The following OTOGL variants were observed in gnomAD, a reference collection of about 807,000 sequenced individuals.
OTOGL encodes otogelin like, also known as otogelin-like protein.
A neutral mutation model predicts 318.5 loss-of-function variants in OTOGL; 285 were observed. That is an observed-to-expected ratio of 0.89 (90% confidence interval 0.81 to 0.99). OTOGL has a LOEUF of 0.99. Among genes scored for constraint, OTOGL ranks in the 50% least tolerant of loss-of-function variants. OTOGL has a pLI of 0.00. For missense variants in OTOGL, 2,899 were observed against 2,845.6 expected (o/e 1.02, Z -0.43); for synonymous variants, 987 against 936.5 (o/e 1.05, Z -0.99).
chr12:80,270,026 A>T lies in OTOGL; in HGVS notation c.2466-76A>T. ...TACTCAATCAATTCTTGTACGTTAG[A>T]TTGTTGTCGAAATTCAGGGAAAAAA... On this transcript the variant is annotated intron_variant, in intron 22 of 58. Transcript: ENST00000547103. 5 of 1,146,056 alleles carry T rather than the reference A, an allele frequency of 4.4e-6. No homozygotes were observed. In the South Asian group the frequency reaches 5.8e-5, roughly 13 times the overall value. The allele number at this position is 1,146,056 out of a possible 1,614,324, so 71.0% of individuals were successfully genotyped here.
intron 1 of OTOGL, among the ~76,000 whole-genome samples, chr12:80,198,874 T>C (rs946224476): frequency 1.3e-5 from 2 of 152,200 alleles, no homozygotes; most frequent in Admixed American, 6.5e-5. Flanking sequence ...CTAGACCAAA[T>C]AGCTATCATC....
chr12:80,198,606 A>G lies in OTOGL; in HGVS notation c.-19-10807A>G, dbSNP rs961887191. 2.6e-5 allele frequency among the ~76,000 whole-genome samples: 4 copies of G among 152,202 alleles called. No homozygotes were observed. The East Asian group carries it at 7.7e-4, about 29-fold the overall frequency. On this transcript the variant is annotated intron_variant, in intron 1 of 58. Coordinates refer to ENST00000547103, the MANE Select transcript of OTOGL (RefSeq NM_001378609.3). ...TCCAAATAATAATAATAATAATAAT[A>G]ACAACCTGTATCCTTCTAAATAAAT...
rs2138143018 is a variant in OTOGL, at chr12:80,380,645, A to C, written c.*2597A>C. The C allele has an allele frequency of 6.6e-6, 1 of 152,168 alleles. No individual in the cohort carries two copies. The highest frequency in any genetic ancestry group is 1.5e-5 in the Non-Finnish European group (1 of 67,938). The allele number at this position is 152,168 out of a possible 1,614,324, so 9.4% of individuals were successfully genotyped here. On this transcript the variant is annotated 3_prime_UTR_variant, in exon 59 of 59. Transcript: ENST00000547103. ...TACTTTTATTTTTTAAGGCTCTGGG[A>C]AGATAAGCACTCTCACATGTCATTG...
At position 80,296,965 on chromosome 12, in the gene OTOGL, A is replaced by G; in HGVS notation, c.3063+4A>G. On this transcript the variant is annotated splice_donor_region_variant and intron_variant, in intron 27 of 58. Coordinates refer to ENST00000547103, the MANE Select transcript of OTOGL (RefSeq NM_001378609.3). ...GAATGATACTCCTTACAAACAGGTTAGTGAATTATTTCTTTCAGGATCATT... is the reference window on the plus strand; with the variant it reads ...GAATGATACTCCTTACAAACAGGTTGGTGAATTATTTCTTTCAGGATCATT... 6.5e-7 allele frequency: 1 copy of G among 1,537,574 alleles called. No individual in the cohort carries two copies. The highest frequency in any genetic ancestry group is 8.8e-7 in the Non-Finnish European group (1 of 1,141,166).
chr12:80,215,574 GA>G (rs1877640198), intron 4 of OTOGL, among the ~76,000 whole-genome samples: 1 of 152,170 alleles, frequency 6.6e-6, no homozygotes. Flanking sequence ...TTATTTTATA[GA>G]TTGGGAAACT....
At chr12:80,231,927 G>A (rs916600321) in intron 8 of OTOGL, among the ~76,000 whole-genome samples, 3 of 151,656 alleles carry the variant, frequency 2.0e-5, no homozygotes, top group Admixed American at 6.6e-5. Context: ...GTGAGCCACC[G>A]AGCCCAGCTG....
At chr12:80,324,241 TG>T (rs1887538236) in intron 35 of OTOGL, among the ~76,000 whole-genome samples, 1 of 152,196 alleles carries the variant, frequency 6.6e-6, no homozygotes, top group Non-Finnish European at 1.5e-5. Context: ...TTAATGTTGG[TG>T]GTCAGTGAAG....
rs200364230 is a variant in OTOGL, at chr12:80,262,036, T to G, written c.1957T>G (p.Cys653Gly). ...AAATGCGTGGAGAGTTTCTTCTACC[T>G]GTTTTGCACCTGTTCATGTCCCAGT... ...HANAWRVSSTCFAPVHVPVVD... is the reference protein window; with the variant it reads ...HANAWRVSSTGFAPVHVPVVD... Residue 653 changes from cysteine to glycine, a missense_variant, in exon 19 of 59, where the codon TGT becomes GGT. Around this residue, in one of 3 missense-constraint regions of OTOGL, gnomAD observed 2,607 missense variants for 2,524.9 expected, o/e 1.03. Coordinates refer to ENST00000547103, the MANE Select transcript of OTOGL (RefSeq NM_001378609.3). 421 of 1,613,182 alleles carry G rather than the reference T, an allele frequency of 2.6e-4. No homozygotes were observed. The African/African-American group carries it at 5.0e-3, about 19-fold the overall frequency.
intron 13 of OTOGL, 43 bp downstream of exon 13, chr12:80,252,244 T>A: frequency 2.6e-6 from 4 of 1,558,422 alleles, no homozygotes; most frequent in Non-Finnish European, 3.5e-6. Flanking sequence ...TCATGGAAAC[T>A]AGTACCCAGT....
chr12:80,110,527 T>A (rs1869773819), intron 1 of OTOGL, among the ~76,000 whole-genome samples: 1 of 152,206 alleles, frequency 6.6e-6, no homozygotes, highest in Non-Finnish European at 1.5e-5. Flanking sequence ...CCTGTGTTAG[T>A]TTGCTGAGAA....
At chr12:80,231,355 T>C (rs1253626159) in intron 8 of OTOGL, among the ~76,000 whole-genome samples, 4 of 152,184 alleles carry the variant, frequency 2.6e-5, no homozygotes, top group Non-Finnish European at 4.4e-5. Flanking sequence ...TAGCTATTTT[T>C]CTAGTTTTGT....
intron 1 of OTOGL, among the ~76,000 whole-genome samples, chr12:80,162,983 T>C (rs1873616275): frequency 6.6e-6 from 1 of 152,028 alleles, no homozygotes; most frequent in African/African-American, 2.4e-5. Context: ...AATGGAAAGA[T>C]GATGATTTGT....
chr12:80,154,500 G>A lies in OTOGL; in HGVS notation c.-20+54895G>A, dbSNP rs141816624. On this transcript the variant is annotated intron_variant, in intron 1 of 58. Coordinates refer to ENST00000547103, the MANE Select transcript of OTOGL (RefSeq NM_001378609.3). Reference sequence around the variant, plus strand: ...TTTTCTTTGCTTTACTTCCATGTTCGTCCTATAAAACCTCCCCTTTGCACT... The same window carrying A: ...TTTTCTTTGCTTTACTTCCATGTTCATCCTATAAAACCTCCCCTTTGCACT... Among the ~76,000 whole-genome samples the A allele has an allele frequency of 3.3e-5, 5 of 152,000 alleles. No homozygotes were observed. The East Asian group carries it at 7.7e-4, about 24-fold the overall frequency.
chr12:80,231,087 GC>G (rs1592579236), intron 8 of OTOGL, among the ~76,000 whole-genome samples: 2 of 152,090 alleles, frequency 1.3e-5, no homozygotes. Context: ...AAATGACCAA[GC>G]AAAAAATACG....
At chr12:80,291,326 A>G (rs569182215) in intron 26 of OTOGL, among the ~76,000 whole-genome samples, 1 of 152,346 alleles carries the variant, frequency 6.6e-6, no homozygotes, top group African/African-American at 2.4e-5. Context: ...TTTTAATCGT[A>G]GTATATTTGG....
intron 1 of OTOGL, among the ~76,000 whole-genome samples, chr12:80,167,718 A>C (rs992698370): frequency 6.6e-6 from 1 of 152,130 alleles, no homozygotes; most frequent in East Asian, 1.9e-4. Context: ...GCATAACTTC[A>C]CACATCTAAT....
At position 80,311,579 on chromosome 12, in the gene OTOGL, C is replaced by A. The variant is rs375417357; in HGVS notation, c.3450+852C>A. On this transcript the variant is annotated intron_variant, in intron 30 of 58. Coordinates refer to ENST00000547103, the MANE Select transcript of OTOGL (RefSeq NM_001378609.3). ...CTGGGATTGTAGACGGCAAATTTTT[C>A]TATTTTTAGTAGAGACCGGGTCTCG... is the stretch of plus-strand genomic sequence containing the variant. Among the ~76,000 whole-genome samples the A allele has an allele frequency of 1.0e-4, 14 of 139,942 alleles. No individual in the cohort carries two copies. The South Asian group carries it at 2.9e-3, about 29-fold the overall frequency. 91.8% of individuals were successfully genotyped at this position (139,942 alleles called of 152,430 possible).
At chr12:80,263,153 A>G (rs749427035) in intron 19 of OTOGL, among the ~76,000 whole-genome samples, 8 of 152,116 alleles carry the variant, frequency 5.3e-5, no homozygotes, top group Admixed American at 2.6e-4. Flanking sequence ...TTTCTTATCT[A>G]TAATAACACG....
rs1460941395 is a variant in OTOGL, at chr12:80,179,440, CT to C, written c.-19-29969del. On this transcript the variant is annotated intron_variant, in intron 1 of 58. Transcript: ENST00000547103. The stretch of plus-strand genomic sequence containing the variant: ...ATGGAGGTGAAAACTTCTTAAATAC[CT>C]TTTAAAAAAAATAAGGAACCTAAAA... Among the ~76,000 whole-genome samples the C allele has an allele frequency of 2.6e-5, 4 of 152,224 alleles. No homozygotes were observed. The East Asian group carries it at 5.8e-4, about 22-fold the overall frequency.
Sources: gnomAD v4.1 joint callset for allele counts (sites outside exome capture counted in the v4.1 genomes callset) on GRCh38, gnomAD v4.1.1 for gene constraint, gnomAD v4.1.1 regional missense constraint, MANE v1.5 for transcripts, NCBI Gene and HGNC (gene_info 2026-07-23, HGNC 2026-07-21) for gene names.